The following PTPRN2 variants were observed in gnomAD, a reference collection of about 807,000 sequenced individuals.
PTPRN2 encodes receptor-type tyrosine-protein phosphatase N2.
A neutral mutation model predicts 118.8 loss-of-function variants in PTPRN2; 74 were observed. The ratio of observed to expected loss-of-function variants is 0.62; its 90% CI spans 0.52 to 0.76. The LOEUF (loss-of-function observed/expected upper bound fraction) is 0.76. Among genes scored for constraint, PTPRN2 ranks in the 30% least tolerant of loss-of-function variants. PTPRN2 has a pLI of 0.00. For missense variants in PTPRN2, 1,481 were observed against 1,394.4 expected, an observed-to-expected ratio of 1.06 and a Z score of -0.99; for synonymous variants, 641 against 608.0, an observed-to-expected ratio of 1.05 and a Z score of -0.80.
Position 158,587,528 on chromosome 7 carries a change from G to A in PTPRN2, c.112+30C>T, listed in dbSNP as rs1385925256. The A allele has an allele frequency of 4.1e-6, 5 of 1,232,436 alleles. No homozygotes were observed. In the East Asian group the frequency reaches 1.3e-4, roughly 33 times the overall value. 76.3% of individuals were successfully genotyped at this position (1,232,436 alleles called of 1,614,324 possible). A position where few individuals can be genotyped will look rare whatever the true frequency, so the allele number is the denominator to read the frequency against. ...ACAACGCCCCCAACTAATTCATTGA[G>A]GCGCCCCTCCCCCGGCGCCCCCCAC... On this transcript the variant is annotated intron_variant, in intron 1 of 22. Transcript: ENST00000389418.
At chr7:157,962,130 G>A (rs1392310318) in intron 11 of PTPRN2, among the ~76,000 whole-genome samples, 3 of 152,352 alleles carry the variant, frequency 2.0e-5, no homozygotes, top group South Asian at 2.1e-4. Flanking sequence ...AGAAGAAAGT[G>A]GGTCATTTTC....
intron 1 of PTPRN2, among the ~76,000 whole-genome samples, chr7:158,523,263 G>C (rs915988767): frequency 6.6e-6 from 1 of 152,200 alleles, no homozygotes; most frequent in Non-Finnish European, 1.5e-5. Context: ...CAGCCAGAGT[G>C]GTGCAGACAC....
At chr7:157,691,187 C>G (rs1021764079) in intron 12 of PTPRN2, among the ~76,000 whole-genome samples, 1 of 151,758 alleles carries the variant, frequency 6.6e-6, no homozygotes, top group African/African-American at 2.4e-5. Context: ...GGTACAACGC[C>G]GAAGCCAGGG....
chr7:158,238,176 G>A (rs1395347875), intron 3 of PTPRN2, among the ~76,000 whole-genome samples: 1 of 152,222 alleles, frequency 6.6e-6, no homozygotes, highest in Middle Eastern at 3.4e-3. Context: ...GACGCCCTGG[G>A]CTTGGCTGGG....
At position 158,525,974 on chromosome 7, in the gene PTPRN2, C is replaced by T. The variant is rs1161894415; in HGVS notation, c.113-36189G>A. Among the ~76,000 whole-genome samples, 1 of 152,206 alleles carries T rather than the reference C, an allele frequency of 6.6e-6. No individual in the cohort carries two copies. The highest frequency in any genetic ancestry group is 1.5e-5 in the Non-Finnish European group (1 of 68,032). On this transcript the variant is annotated intron_variant, in intron 1 of 22. Coordinates refer to ENST00000389418, the MANE Select transcript of PTPRN2 (RefSeq NM_002847.5). This position sits in a 1 kb window ranked among gnomAD's most constrained non-coding sequence, Gnocchi z 4.1. ...ACATCCCAAGCCGACAATGCCCCCC[C>T]ATTGACTCGGCTCTCTGCAGACCTG... is the stretch of plus-strand genomic sequence containing the variant.
chr7:157,962,316 C>A lies in PTPRN2; in HGVS notation c.1724-63579G>T, dbSNP rs544001697. Among the ~76,000 whole-genome samples the A allele has an allele frequency of 1.1e-3, 160 of 151,886 alleles. 1 individual carries two copies. Among genetic ancestry groups the A allele is most frequent in the African/African-American group, 3.4e-3 (142 of 41,504 alleles). On this transcript the variant is annotated intron_variant, in intron 11 of 22. Transcript: ENST00000389418. ...CCGAATGTGAATGGCCACACTTCAG[C>A]AGGAGTGTTATTCCACCAGCGGGAG...
chr7:157,866,990 ACGGCCACCACCCCG>A, intron 12 of PTPRN2, among the ~76,000 whole-genome samples: 1 of 116,950 alleles, frequency 8.6e-6, no homozygotes, highest in Admixed American at 8.3e-5. Flanking sequence ...CCCTGGATAC[ACGGCCACCACCCCG>A]TCCCTGACGC....
intron 12 of PTPRN2, among the ~76,000 whole-genome samples, chr7:157,788,529 G>A (rs1804226500): frequency 6.6e-6 from 1 of 152,184 alleles, no homozygotes; most frequent in Non-Finnish European, 1.5e-5. Context: ...CACGGGGCTG[G>A]AGCAGTCCCC....
chr7:157,886,553 G>A (rs1796455550), intron 12 of PTPRN2, among the ~76,000 whole-genome samples: 1 of 152,222 alleles, frequency 6.6e-6, no homozygotes. Flanking sequence ...AGGCATCCGT[G>A]AGCCAGCGCA....
rs1807574758 is a variant in PTPRN2 at position 157,831,604 on chromosome 7, G to C, written c.1788+67069C>G. 6.6e-6 allele frequency among the ~76,000 whole-genome samples: 1 copy of C among 152,142 alleles called. No homozygotes were observed. ...GGAGGGTCTCAGTGAGCATTTCAGA[G>C]CCATCTCCACCTGTCAGAACGAGCA... On this transcript the variant is annotated intron_variant, in intron 12 of 22. Transcript: ENST00000389418. The surrounding 1 kb of genome is among the most constrained non-coding windows in gnomAD (Gnocchi z 4.8).
At chr7:157,693,516 T>C (rs1397535020) in intron 12 of PTPRN2, among the ~76,000 whole-genome samples, 1 of 152,038 alleles carries the variant, frequency 6.6e-6, no homozygotes, top group African/African-American at 2.4e-5. Context: ...CCCGCTGCGG[T>C]CGCAGGGCCT....
At chr7:158,227,240 CA>C (rs1296272249) in intron 3 of PTPRN2, among the ~76,000 whole-genome samples, 1 of 152,062 alleles carries the variant, frequency 6.6e-6, no homozygotes, top group Non-Finnish European at 1.5e-5. Flanking sequence ...AGGTGCTGAG[CA>C]GAGGAGCAAA....
At chr7:158,255,847 A>G (rs969679589) in intron 3 of PTPRN2, among the ~76,000 whole-genome samples, 1 of 151,360 alleles carries the variant, frequency 6.6e-6, no homozygotes, top group South Asian at 2.1e-4. Context: ...GCCTCAGGGC[A>G]CCCGTCCTCA....
intron 2 of PTPRN2, among the ~76,000 whole-genome samples, chr7:158,378,759 A>G (rs1226920985): frequency 1.3e-5 from 2 of 152,164 alleles, no homozygotes; most frequent in Admixed American, 1.3e-4. Context: ...ACATTTGTCA[A>G]AGAGGTGTTT....
intron 11 of PTPRN2, among the ~76,000 whole-genome samples, chr7:158,071,010 GAGGTGCTCGTGGTGGAGGTGCTCTTAGTA>G (rs1811374974): frequency 8.9e-6 from 1 of 112,364 alleles, no homozygotes; most frequent in Non-Finnish European, 1.8e-5. Flanking sequence ...CATGGTGGTG[GAGGTGCTCGTGGTGGAGGTGCTCTTAGTA>G]TGGAGGTGCT....
At chr7:158,239,064 G>A (rs779743750) in intron 3 of PTPRN2, among the ~76,000 whole-genome samples, 2 of 152,200 alleles carry the variant, frequency 1.3e-5, no homozygotes, top group Non-Finnish European at 2.9e-5. Context: ...CCCGAGCCTG[G>A]TGTTTGCTCG....
At chr7:157,863,357 G>A (rs932228156) in intron 12 of PTPRN2, 3 of 152,216 alleles carry the variant, frequency 2.0e-5, no homozygotes, top group Admixed American at 6.5e-5. Context: ...AGTGCAGAGT[G>A]GAGACGAGGT....
intron 11 of PTPRN2, among the ~76,000 whole-genome samples, chr7:157,937,089 C>G (rs902141093): frequency 2.0e-5 from 3 of 152,224 alleles, no homozygotes; most frequent in African/African-American, 7.2e-5. Context: ...GCCTGGGCCA[C>G]CTTCTCTGGG....
chr7:158,520,169 C>G (rs1392555288), intron 1 of PTPRN2, among the ~76,000 whole-genome samples: 1 of 152,184 alleles, frequency 6.6e-6, no homozygotes, highest in Non-Finnish European at 1.5e-5. Flanking sequence ...GCTCCCCTTC[C>G]AAGAGGGAGC....
Sources: allele counts gnomAD v4.1 joint callset (sites outside exome capture counted in the v4.1 genomes callset), GRCh38; gene constraint gnomAD v4.1.1; non-coding constraint Gnocchi (gnomAD v3.1); transcripts MANE v1.5; gene names NCBI Gene and HGNC (gene_info 2026-07-23, HGNC 2026-07-21).